The following PLEKHA3 variants were observed in gnomAD, a reference collection of about 807,000 sequenced individuals.
PLEKHA3 encodes pleckstrin homology domain-containing family A member 3.
In PLEKHA3, 19 loss-of-function variants were observed where a neutral mutation model predicts 39.2. The observed-to-expected ratio is 0.48, with a 90% CI of 0.34 to 0.71. The LOEUF (loss-of-function observed/expected upper bound fraction) is 0.71. Ranked by LOEUF, PLEKHA3 falls within the 30% of genes least tolerant of loss-of-function variation. The probability of loss-of-function intolerance (pLI) is 0.01; values close to 1 mark genes in which losing one functional copy is unlikely to be tolerated. For synonymous variants in PLEKHA3, 97 were observed against 118.6 expected (o/e 0.82, Z 1.18); for missense variants, 253 against 359.5 (o/e 0.70, Z 2.40).
At chr2:178,485,576 C>A in intron 1 of PLEKHA3, 65 bp from the exon 2 acceptor site, 1 of 965,632 alleles carries the variant, frequency 1.0e-6, no homozygotes, top group Non-Finnish European at 1.6e-6. Flanking sequence ...TTTGAAATCA[C>A]AGTTTTCTAT....
In PLEKHA3 at chr2:178,513,106, T is replaced by G. The variant is rs950722257; in HGVS notation, c.*9219T>G. 6.6e-6 allele frequency: 1 copy of G among 152,424 alleles called. No homozygotes were observed. Among genetic ancestry groups the G allele is most frequent in the Admixed American group, 6.5e-5 (1 of 15,276 alleles). The allele number at this position is 152,424 out of a possible 1,614,324, so 9.4% of individuals were successfully genotyped here. ...GTGCAATGGCGCGATCTCGGCTCAC[T>G]GCAACCTTTGCTTTCCAGGTTCAAG... On this transcript the variant is annotated 3_prime_UTR_variant, in exon 8 of 8. Coordinates refer to ENST00000234453, the MANE Select transcript of PLEKHA3 (RefSeq NM_019091.4).
intron 2 of PLEKHA3, chr2:178,489,128 A>T (rs1325266262): frequency 3.2e-6 from 1 of 315,434 alleles, no homozygotes; most frequent in African/African-American, 2.2e-5. Flanking sequence ...AGTATTGGCA[A>T]GTAGCAAGGA....
chr2:178,485,536 G>C, intron 1 of PLEKHA3, 105 bp from the exon 2 acceptor site: 1 of 733,190 alleles, frequency 1.4e-6, no homozygotes, highest in Non-Finnish European at 2.4e-6. Flanking sequence ...AATGTTATTT[G>C]AGAGCCAAGA....
intron 5 of PLEKHA3, among the ~76,000 whole-genome samples, chr2:178,498,415 C>T (rs1223044410): frequency 6.6e-6 from 1 of 152,134 alleles, no homozygotes; most frequent in Non-Finnish European, 1.5e-5. Context: ...CAATGTTAGA[C>T]CTGGGCTTGT....
chr2:178,481,946 T>G (rs1685172602), intron 1 of PLEKHA3: 1 of 153,690 alleles, frequency 6.5e-6, no homozygotes, highest in Non-Finnish European at 1.5e-5. Context: ...TACTCTCGAC[T>G]TGTGTCCACC....
intron 5 of PLEKHA3, 152 bp downstream of exon 5, chr2:178,495,812 A>G: frequency 1.2e-6 from 1 of 802,822 alleles, no homozygotes; most frequent in Non-Finnish European, 1.9e-6. Context: ...ACTGTTTCAT[A>G]TTCGAGCTTC....
intron 2 of PLEKHA3, among the ~76,000 whole-genome samples, chr2:178,487,469 C>T (rs908051858): frequency 1.3e-5 from 2 of 150,990 alleles, no homozygotes; most frequent in East Asian, 1.9e-4. Flanking sequence ...GACAGGTTCT[C>T]ACTCTGTTGC....
At chr2:178,496,080 G>T (rs918525403) in intron 5 of PLEKHA3, among the ~76,000 whole-genome samples, 2 of 152,158 alleles carry the variant, frequency 1.3e-5, no homozygotes, top group African/African-American at 4.8e-5. Context: ...AACATATTCC[G>T]GTGGGAACGG....
chr2:178,492,412 A>G (rs1685361239), intron 3 of PLEKHA3, among the ~76,000 whole-genome samples: 1 of 145,740 alleles, frequency 6.9e-6, no homozygotes, highest in Non-Finnish European at 1.5e-5. Context: ...AAATTGTGAC[A>G]CATGCTACAC....
rs1685455701 is a variant in PLEKHA3, at chr2:178,496,775, C to T, written c.615+1115C>T. On this transcript the variant is annotated intron_variant, in intron 5 of 7. Transcript: ENST00000234453. ...TGTTACCCAGGCTGGAGTGCAGTGA[C>T]ACCATCATAACTCACTGCAGCCTCA... 2.0e-5 allele frequency among the ~76,000 whole-genome samples: 3 copies of T among 151,978 alleles called. No individual in the cohort carries two copies. In the South Asian group the frequency reaches 6.2e-4, roughly 32 times the overall value.
chr2:178,510,636 C>G lies in PLEKHA3; in HGVS notation c.*6749C>G, dbSNP rs1203224833. 1 of 153,764 alleles carries G rather than the reference C, an allele frequency of 6.5e-6. No individual in the cohort carries two copies. The highest frequency in any genetic ancestry group is 1.5e-5 in the Non-Finnish European group (1 of 68,050). 9.5% of individuals were successfully genotyped at this position (153,764 alleles called of 1,614,324 possible). On this transcript the variant is annotated 3_prime_UTR_variant, in exon 8 of 8. Coordinates refer to ENST00000234453, the MANE Select transcript of PLEKHA3 (RefSeq NM_019091.4). ...TCTCTCCCTTCCAAAGGACGTAGTG[C>G]TCTACATAGTGTTGGAAGCGAGAGA...
At chr2:178,501,886 C>T (rs781684899) in intron 7 of PLEKHA3, among the ~76,000 whole-genome samples, 2 of 152,046 alleles carry the variant, frequency 1.3e-5, no homozygotes, top group Non-Finnish European at 2.9e-5. Context: ...GGGATAGAAA[C>T]TATGTACAAT....
Position 178,505,319 on chromosome 2 carries a change from G to C in PLEKHA3, c.*1432G>C, listed in dbSNP as rs1685587361. ...ATTTGTTTAAAAAACTGTAATTATA[G>C]GCCTTCCATCTTAAGTTTAAGATGG... On this transcript the variant is annotated 3_prime_UTR_variant, in exon 8 of 8. Transcript: ENST00000234453. The C allele has an allele frequency of 6.6e-6, 1 of 151,644 alleles. No homozygotes were observed. The highest frequency in any genetic ancestry group is 2.4e-5 in the African/African-American group (1 of 41,342). The allele number at this position is 151,644 out of a possible 1,614,324, so 9.4% of individuals were successfully genotyped here. A position where few individuals can be genotyped will look rare whatever the true frequency, so the allele number is the denominator to read the frequency against.
chr2:178,492,670 A>G (rs1483431770), intron 3 of PLEKHA3, among the ~76,000 whole-genome samples: 1 of 151,954 alleles, frequency 6.6e-6, no homozygotes, highest in African/African-American at 2.4e-5. Flanking sequence ...CATATAGTCT[A>G]TGATTCCACT....
At chr2:178,489,967 A>G (rs1484796986) in intron 2 of PLEKHA3, among the ~76,000 whole-genome samples, 1 of 152,174 alleles carries the variant, frequency 6.6e-6, no homozygotes, top group Non-Finnish European at 1.5e-5. Context: ...CTCTTCTACT[A>G]GCACTGCTCT....
rs888842874 is a variant in PLEKHA3, at chr2:178,516,059, CACAT to C, written c.*12178_*12181del. 1 of 150,796 alleles carries C rather than the reference CACAT, an allele frequency of 6.6e-6. No individual in the cohort carries two copies. The highest frequency in any genetic ancestry group is 2.4e-5 in the African/African-American group (1 of 41,144). The allele number at this position is 150,796 out of a possible 1,614,324, so 9.3% of individuals were successfully genotyped here. On this transcript the variant is annotated 3_prime_UTR_variant, in exon 8 of 8. Transcript: ENST00000234453. ...TATATAGCTTATATATGTGTATATA[CACAT>C]ACATATATATATATACATACATATA...
In PLEKHA3 at chr2:178,507,065, C is replaced by T. The variant is rs1046963766; in HGVS notation, c.*3178C>T. The T allele has an allele frequency of 6.6e-6, 1 of 152,046 alleles. No homozygotes were observed. Among genetic ancestry groups the T allele is most frequent in the African/African-American group, 2.4e-5 (1 of 41,382 alleles). The allele number at this position is 152,046 out of a possible 1,614,324, so 9.4% of individuals were successfully genotyped here. On this transcript the variant is annotated 3_prime_UTR_variant, in exon 8 of 8. Coordinates refer to ENST00000234453, the MANE Select transcript of PLEKHA3 (RefSeq NM_019091.4). The stretch of plus-strand genomic sequence containing the variant: ...TGAAAAAGTGTAGTTCCCTCTTCCC[C>T]AGTTTAGCATTCCAAAGACAAACAC...
chr2:178,499,330 G>A, intron 6 of PLEKHA3, 76 bp downstream of exon 6: 1 of 1,453,150 alleles, frequency 6.9e-7, no homozygotes, highest in Non-Finnish European at 9.5e-7. Flanking sequence ...CCTTTAACAA[G>A]TGGTGTGGAA....
chr2:178,483,286 C>T (rs1685201715), intron 1 of PLEKHA3, among the ~76,000 whole-genome samples: 1 of 150,968 alleles, frequency 6.6e-6, no homozygotes, highest in Non-Finnish European at 1.5e-5. Context: ...TTTGAGAATC[C>T]TTTGTAGAGA....
Sources: gnomAD v4.1 joint callset for allele counts (sites outside exome capture counted in the v4.1 genomes callset) on GRCh38, gnomAD v4.1.1 for gene constraint, MANE v1.5 for transcripts, NCBI Gene and HGNC (gene_info 2026-07-23, HGNC 2026-07-21) for gene names.